The following CTNNA3 variants were observed in gnomAD, a reference collection of about 807,000 sequenced individuals.
CTNNA3 encodes catenin alpha-3.
Under a neutral mutation model 95.7 loss-of-function variants are expected in CTNNA3, and 76 were observed. The ratio of observed to expected loss-of-function variants is 0.79; its 90% CI spans 0.66 to 0.96. The LOEUF (loss-of-function observed/expected upper bound fraction) is 0.96. Ranked by LOEUF, CTNNA3 falls within the 40% of genes least tolerant of loss-of-function variation. CTNNA3 has a pLI of 0.00. For synonymous variants in CTNNA3, 431 were observed against 374.4 expected (o/e 1.15, Z -1.74); for missense variants, 1,191 against 1,089.8 (o/e 1.09, Z -1.31).
chr10:67,617,744 T>C (rs1023614351), intron 2 of CTNNA3, among the ~76,000 whole-genome samples: 5 of 151,426 alleles, frequency 3.3e-5, no homozygotes, highest in African/African-American at 1.2e-4. Context: ...TTCCTTTTTC[T>C]CTGCGACCTC....
intron 12 of CTNNA3, among the ~76,000 whole-genome samples, chr10:66,331,342 G>GCTTT (rs201302254): frequency 0.01 from 816 of 80,308 alleles, 145 homozygotes; most frequent in African/African-American, 0.036. Context: ...CCCATTGTTT[G>GCTTT]TTTTTTTTTT....
chr10:67,379,975 C>T (rs1420943465), intron 5 of CTNNA3, among the ~76,000 whole-genome samples: 2 of 141,448 alleles, frequency 1.4e-5, no homozygotes, highest in Non-Finnish European at 3.0e-5. Flanking sequence ...GAGCCGAGAT[C>T]CCGCCACTGC....
At chr10:66,636,333 C>G (rs2132360973) in intron 9 of CTNNA3, among the ~76,000 whole-genome samples, 1 of 152,158 alleles carries the variant, frequency 6.6e-6, no homozygotes, top group East Asian at 1.9e-4. Context: ...CTCTACAGCA[C>G]ACTGAAATAC....
At chr10:66,233,197 G>A (rs2089679728) in intron 13 of CTNNA3, among the ~76,000 whole-genome samples, 1 of 145,262 alleles carries the variant, frequency 6.9e-6, no homozygotes, top group Admixed American at 6.9e-5. Context: ...AAAAATTTCA[G>A]GTGTATGATA....
At chr10:66,245,113 A>G (rs1280472179) in intron 13 of CTNNA3, among the ~76,000 whole-genome samples, 1 of 151,984 alleles carries the variant, frequency 6.6e-6, no homozygotes, top group Non-Finnish European at 1.5e-5. Context: ...TCAGCAATAG[A>G]GCAATGAGGG....
chr10:66,168,646 C>A (rs982914360), intron 13 of CTNNA3, among the ~76,000 whole-genome samples: 20 of 152,168 alleles, frequency 1.3e-4, no homozygotes, highest in African/African-American at 1.9e-4. Flanking sequence ...AGCACCTTGT[C>A]ATCCAACAAC....
intron 2 of CTNNA3, among the ~76,000 whole-genome samples, chr10:67,622,603 G>T (rs1411318914): frequency 6.6e-6 from 1 of 152,166 alleles, no homozygotes; most frequent in Non-Finnish European, 1.5e-5. Flanking sequence ...GGGCCTCCTT[G>T]TATCCTTGCC....
At chr10:66,685,317 GTATGTGTGTA>G (rs71466890) in intron 9 of CTNNA3, among the ~76,000 whole-genome samples, 556 of 44,502 alleles carry the variant, frequency 0.012, 43 homozygotes, top group Non-Finnish European at 0.015. Flanking sequence ...ATGTGTGTGT[GTATGTGTGTA>G]TATATATATA....
At chr10:67,283,359 G>T (rs1277100355) in intron 5 of CTNNA3, among the ~76,000 whole-genome samples, 1 of 152,178 alleles carries the variant, frequency 6.6e-6, no homozygotes, top group Non-Finnish European at 1.5e-5. Flanking sequence ...AAGATCTCAG[G>T]AGTTGGGTGA....
chr10:66,145,086 C>T (rs757017278), intron 13 of CTNNA3, among the ~76,000 whole-genome samples: 6 of 152,088 alleles, frequency 3.9e-5, no homozygotes, highest in Non-Finnish European at 5.9e-5. Context: ...ATGAACAACT[C>T]ATATCAGTAT....
At chr10:67,041,717 G>C (rs1854405371) in intron 7 of CTNNA3, among the ~76,000 whole-genome samples, 1 of 152,084 alleles carries the variant, frequency 6.6e-6, no homozygotes, top group Non-Finnish European at 1.5e-5. Flanking sequence ...ATAAAATTGA[G>C]TTCTTACCAT....
intron 2 of CTNNA3, among the ~76,000 whole-genome samples, chr10:67,635,185 T>C (rs537597576): frequency 6.6e-6 from 1 of 152,014 alleles, no homozygotes; most frequent in East Asian, 1.9e-4. Context: ...ATAAATAGCC[T>C]ACCAACCAAA....
chr10:67,552,274 T>C (rs1002230676), intron 3 of CTNNA3, among the ~76,000 whole-genome samples: 1 of 152,202 alleles, frequency 6.6e-6, no homozygotes, highest in African/African-American at 2.4e-5. Flanking sequence ...ATAGGTTTTT[T>C]TTCGTTGTTA....
chr10:65,923,129 C>T (rs2077116206), intron 17 of CTNNA3, among the ~76,000 whole-genome samples: 1 of 152,086 alleles, frequency 6.6e-6, no homozygotes, highest in Non-Finnish European at 1.5e-5. Flanking sequence ...GGACACAAAG[C>T]CTAACCATAT....
intron 5 of CTNNA3, among the ~76,000 whole-genome samples, chr10:67,399,608 T>C (rs1365143715): frequency 1.3e-5 from 2 of 152,142 alleles, no homozygotes; most frequent in East Asian, 1.9e-4. Flanking sequence ...ACACCCTCCA[T>C]TTCTCCTTGT....
At chr10:66,027,846 A>G (rs933041326) in intron 15 of CTNNA3, among the ~76,000 whole-genome samples, 3 of 152,198 alleles carry the variant, frequency 2.0e-5, no homozygotes, top group African/African-American at 7.2e-5. Flanking sequence ...TTATCTCTCA[A>G]GCCAAAAGGC....
chr10:66,592,129 C>A (rs1310300796), intron 10 of CTNNA3, among the ~76,000 whole-genome samples: 1 of 151,570 alleles, frequency 6.6e-6, no homozygotes, highest in Admixed American at 6.6e-5. Flanking sequence ...ACTCATGACT[C>A]AACCATCCAT....
chr10:66,073,972 T>C (rs534727174), intron 14 of CTNNA3, among the ~76,000 whole-genome samples: 66 of 152,156 alleles, frequency 4.3e-4, no homozygotes, highest in African/African-American at 1.6e-3. Context: ...CTTAAAAAGA[T>C]TACAGACACT....
chr10:66,423,397 A>G (rs554414291), intron 11 of CTNNA3, among the ~76,000 whole-genome samples: 1 of 152,272 alleles, frequency 6.6e-6, no homozygotes, highest in African/African-American at 2.4e-5. Context: ...TGTTTGGTAG[A>G]ATTTGACAGA....
Sources: gnomAD v4.1 joint callset for allele counts (sites outside exome capture counted in the v4.1 genomes callset) on GRCh38, gnomAD v4.1.1 for gene constraint, MANE v1.5 for transcripts, NCBI Gene and HGNC (gene_info 2026-07-23, HGNC 2026-07-21) for gene names.